The following ZMAT4 variants were observed in gnomAD, a reference collection of about 807,000 sequenced individuals.
The protein encoded by ZMAT4 is zinc finger matrin-type protein 4.
In ZMAT4, 17 loss-of-function variants were observed where a neutral mutation model predicts 28.7. That is an observed-to-expected ratio of 0.59 (90% confidence interval 0.41 to 0.89). The LOEUF (loss-of-function observed/expected upper bound fraction) is 0.89. ZMAT4 is among the 40% of genes least tolerant of loss of function. The pLI is 0.00. For missense variants in ZMAT4, 240 were observed against 283.8 expected, an observed-to-expected ratio of 0.85 and a Z score of 1.11; for synonymous variants, 117 against 109.2, an observed-to-expected ratio of 1.07 and a Z score of -0.44.
At chr8:40,747,782 T>TAATTC (rs1315918892) in intron 3 of ZMAT4, among the ~76,000 whole-genome samples, 1 of 152,150 alleles carries the variant, frequency 6.6e-6, no homozygotes, top group Non-Finnish European at 1.5e-5. Context: ...ACTAATTTGT[T>TAATTC]AATTCTAGGA....
intron 4 of ZMAT4, among the ~76,000 whole-genome samples, chr8:40,686,565 C>G (rs1809417278): frequency 6.6e-6 from 1 of 152,066 alleles, no homozygotes; most frequent in Non-Finnish European, 1.5e-5. Flanking sequence ...CCCCAGGAAG[C>G]TGCAGTGAGC....
At position 40,732,752 on chromosome 8, in the gene ZMAT4, A is replaced by G. The variant is rs552773068; in HGVS notation, c.192+34889T>C. 1.7e-4 allele frequency among the ~76,000 whole-genome samples: 26 copies of G among 150,962 alleles called. No homozygotes were observed. The East Asian group carries it at 3.3e-3, about 19-fold the overall frequency. ...AAAGGCCCTGAGGCCTGGATGCCCCAGTGGCCTCAACTGTGGGAAGAAGAA... is the reference window on the plus strand; with the variant it reads ...AAAGGCCCTGAGGCCTGGATGCCCCGGTGGCCTCAACTGTGGGAAGAAGAA... On this transcript the variant is annotated intron_variant, in intron 3 of 6. Transcript: ENST00000297737.
intron 5 of ZMAT4, among the ~76,000 whole-genome samples, chr8:40,597,235 A>G (rs1209750262): frequency 6.6e-6 from 1 of 152,256 alleles, no homozygotes; most frequent in Non-Finnish European, 1.5e-5. Context: ...AAAGGTCAAG[A>G]CAATGTGAGG....
Position 40,683,306 on chromosome 8 carries a change from A to G in ZMAT4, c.350-8375T>C, listed in dbSNP as rs74502247. ...AAAATCAGTTATTTCCCTGTAGTATACTCATGGTATTAAATCTTCAAACAC... is the reference window on the plus strand; with the variant it reads ...AAAATCAGTTATTTCCCTGTAGTATGCTCATGGTATTAAATCTTCAAACAC... On this transcript the variant is annotated intron_variant, in intron 4 of 6. Transcript: ENST00000297737. Among the ~76,000 whole-genome samples, 1,379 of 152,258 alleles carry G rather than the reference A, an allele frequency of 9.1e-3. 18 individuals are homozygous for G. The highest frequency in any genetic ancestry group is 0.032 in the African/African-American group (1,329 of 41,546).
intron 3 of ZMAT4, among the ~76,000 whole-genome samples, chr8:40,729,326 T>G (rs1298070340): frequency 6.6e-6 from 1 of 152,212 alleles, no homozygotes; most frequent in Non-Finnish European, 1.5e-5. Flanking sequence ...GAGGTCTGTG[T>G]ATTGTGCTGA....
chr8:40,801,953 C>T (rs1814868231), intron 2 of ZMAT4, among the ~76,000 whole-genome samples: 1 of 151,958 alleles, frequency 6.6e-6, no homozygotes, highest in South Asian at 2.1e-4. Context: ...TCCGTTGCAT[C>T]AACGGGCTAA....
chr8:40,692,842 T>C (rs1809715292), intron 4 of ZMAT4, among the ~76,000 whole-genome samples: 1 of 152,156 alleles, frequency 6.6e-6, no homozygotes, highest in African/African-American at 2.4e-5. Flanking sequence ...TGATGTTTTC[T>C]TCAGGATTTT....
At chr8:40,824,911 G>C (rs974902269) in intron 2 of ZMAT4, among the ~76,000 whole-genome samples, 1 of 151,928 alleles carries the variant, frequency 6.6e-6, no homozygotes, top group South Asian at 2.1e-4. Flanking sequence ...CCTCATCCTC[G>C]GACACAGGCC....
intron 2 of ZMAT4, among the ~76,000 whole-genome samples, chr8:40,782,268 C>T: frequency 6.6e-6 from 1 of 151,974 alleles, no homozygotes; most frequent in East Asian, 1.9e-4. Context: ...TGCCTGTAGT[C>T]CCAGCTGCTT....
chr8:40,782,419 A>C (rs1813876658), intron 2 of ZMAT4, among the ~76,000 whole-genome samples: 2 of 151,428 alleles, frequency 1.3e-5, no homozygotes, highest in Admixed American at 1.3e-4. Flanking sequence ...ACAAACAAAC[A>C]AAAACAAAAA....
chr8:40,815,243 C>T (rs908758202), intron 2 of ZMAT4, among the ~76,000 whole-genome samples: 2 of 151,868 alleles, frequency 1.3e-5, no homozygotes, highest in Admixed American at 1.3e-4. Flanking sequence ...CAAATGCACT[C>T]CAGTGTGGGC....
intron 5 of ZMAT4, among the ~76,000 whole-genome samples, chr8:40,651,737 T>C (rs1781813046): frequency 6.6e-6 from 1 of 151,474 alleles, no homozygotes; most frequent in African/African-American, 2.4e-5. Flanking sequence ...AACAGAGATA[T>C]AGATCAATGG....
intron 2 of ZMAT4, chr8:40,786,629 C>A: frequency 8.5e-7 from 1 of 1,172,772 alleles, no homozygotes; most frequent in Non-Finnish European, 1.1e-6. Flanking sequence ...CTCAGCATCT[C>A]CTTCTGTGAA....
At chr8:40,554,869 T>C (rs940760268) in intron 6 of ZMAT4, among the ~76,000 whole-genome samples, 3 of 152,134 alleles carry the variant, frequency 2.0e-5, no homozygotes, top group Admixed American at 1.3e-4. Flanking sequence ...TTGCTAACTA[T>C]AGTCACCTTA....
chr8:40,707,301 G>C (rs553694115), intron 3 of ZMAT4, among the ~76,000 whole-genome samples: 1 of 143,960 alleles, frequency 6.9e-6, no homozygotes, highest in Admixed American at 7.7e-5. Flanking sequence ...GGCTGAAAAG[G>C]TGTCATCTCT....
At chr8:40,896,555 T>C (rs1262786424) in intron 1 of ZMAT4, among the ~76,000 whole-genome samples, 4 of 152,130 alleles carry the variant, frequency 2.6e-5, no homozygotes, top group African/African-American at 9.7e-5. Context: ...TCCCCATGGG[T>C]CCCTGCTTCC....
chr8:40,611,612 T>C (rs1348378602), intron 5 of ZMAT4, among the ~76,000 whole-genome samples: 2 of 152,198 alleles, frequency 1.3e-5, no homozygotes, highest in Admixed American at 6.5e-5. Flanking sequence ...AGTGCTGGGA[T>C]TACAGGCGTG....
intron 3 of ZMAT4, among the ~76,000 whole-genome samples, chr8:40,755,333 C>T (rs1188513195): frequency 2.6e-5 from 4 of 152,138 alleles, no homozygotes; most frequent in Non-Finnish European, 5.9e-5. Context: ...GATATACCAT[C>T]CCTGTTGCAA....
chr8:40,738,909 G>C (rs753660727), intron 3 of ZMAT4, among the ~76,000 whole-genome samples: 1 of 152,166 alleles, frequency 6.6e-6, no homozygotes, highest in Non-Finnish European at 1.5e-5. Context: ...CGTATCGTGT[G>C]TCAACTTCAT....
Sources: allele counts gnomAD v4.1 joint callset (sites outside exome capture counted in the v4.1 genomes callset), GRCh38; gene constraint gnomAD v4.1.1; transcripts MANE v1.5; gene names NCBI Gene and HGNC (gene_info 2026-07-23, HGNC 2026-07-21).